RPS6KA2: variants seen among roughly 807,000 people sequenced by gnomAD.
The protein encoded by RPS6KA2 is ribosomal protein S6 kinase A2, also known as ribosomal protein S6 kinase alpha-2.
RPS6KA2 carries 42 observed loss-of-function variants against 91.8 expected under a neutral mutation model. The observed-to-expected ratio is 0.46, with a 90% CI of 0.36 to 0.59. RPS6KA2 has a LOEUF of 0.59. Among genes scored for constraint, RPS6KA2 ranks in the 20% least tolerant of loss-of-function variants. RPS6KA2 has a pLI of 0.00. For synonymous variants in RPS6KA2, 414 were observed against 393.6 expected (o/e 1.05, Z -0.61); for missense variants, 798 against 978.5 (o/e 0.82, Z 2.46).
chr6:166,424,906 C>G (rs1427056757), intron 16 of RPS6KA2, among the ~76,000 whole-genome samples: 2 of 152,210 alleles, frequency 1.3e-5, no homozygotes, highest in Non-Finnish European at 2.9e-5. Flanking sequence ...GTAGCAGAGT[C>G]AGCCACCCCA....
chr6:166,569,187 G>A (rs1784601152), intron 1 of RPS6KA2, among the ~76,000 whole-genome samples: 1 of 152,178 alleles, frequency 6.6e-6, no homozygotes. Flanking sequence ...CCAAGGACTG[G>A]CACAATCTTC....
At position 166,495,072 on chromosome 6, in the gene RPS6KA2, A is replaced by G. The variant is rs1781739886; in HGVS notation, c.747+3436T>C. ...GACCTTTGCCTGTGTGCAGCCAGTCACCACGTGGGCGGGCGGCACTAAATG... is the reference window on the plus strand; with the variant it reads ...GACCTTTGCCTGTGTGCAGCCAGTCGCCACGTGGGCGGGCGGCACTAAATG... On this transcript the variant is annotated intron_variant, in intron 8 of 20. Transcript: ENST00000265678. The surrounding 1 kb of genome is among the most constrained non-coding windows in gnomAD (Gnocchi z 4.4). Among the ~76,000 whole-genome samples the G allele has an allele frequency of 6.6e-6, 1 of 152,200 alleles. No individual in the cohort carries two copies. Among genetic ancestry groups the G allele is most frequent in the South Asian group, 2.1e-4 (1 of 4,830 alleles).
chr6:166,444,356 T>C (rs951085924), intron 14 of RPS6KA2, among the ~76,000 whole-genome samples: 9 of 152,198 alleles, frequency 5.9e-5, no homozygotes, highest in African/African-American at 2.2e-4. Flanking sequence ...TGAAGCCCTA[T>C]ACAACTTCAT....
rs1300980388 is a variant in RPS6KA2 at position 166,423,130 on chromosome 6, A to G, written c.1743+126T>C. 2.1e-6 allele frequency: 2 copies of G among 934,420 alleles called. No homozygotes were observed. The highest frequency in any genetic ancestry group is 2.7e-5 in the Admixed American group (1 of 37,028). The allele number at this position is 934,420 out of a possible 1,614,324, so 57.9% of individuals were successfully genotyped here. ...TGAAGGTTCTCGTTTCTGTTTCCCA[A>G]CACCACTGCTGACGCAGCTCAAGCC... is the stretch of plus-strand genomic sequence containing the variant. On this transcript the variant is annotated intron_variant, in intron 17 of 20. Transcript: ENST00000265678. This position sits in a 1 kb window ranked among gnomAD's most constrained non-coding sequence, Gnocchi z 4.8.
chr6:166,829,623 T>A (rs1405860422), intron 2 of RPS6KA2, among the ~76,000 whole-genome samples: 13 of 147,434 alleles, frequency 8.8e-5, no homozygotes, highest in African/African-American at 3.0e-4. Flanking sequence ...AAAAAATTAT[T>A]ATATGGTCCA....
intron 1 of RPS6KA2, among the ~76,000 whole-genome samples, chr6:166,550,448 A>G (rs1475040397): frequency 6.6e-6 from 1 of 152,220 alleles, no homozygotes; most frequent in Non-Finnish European, 1.5e-5. Flanking sequence ...ATTGGTAAAA[A>G]AAAAGAAGGA....
In RPS6KA2 at chr6:166,648,920, C is replaced by T. The variant is rs567916891; in HGVS notation, c.124-110136G>A. On this transcript the variant is annotated intron_variant, in intron 2 of 21. Transcript: ENST00000503859. The surrounding 1 kb of genome is among the most constrained non-coding windows in gnomAD (Gnocchi z 4.8). ...TCTACCTTGCAGCGTCTCACCAATTCACCTGTCTCTCTAAGGCCACTGGCA... is the reference window on the plus strand; with the variant it reads ...TCTACCTTGCAGCGTCTCACCAATTTACCTGTCTCTCTAAGGCCACTGGCA... Among the ~76,000 whole-genome samples, 1 of 152,318 alleles carries T rather than the reference C, an allele frequency of 6.6e-6. No individual in the cohort carries two copies. Among genetic ancestry groups the T allele is most frequent in the South Asian group, 2.1e-4 (1 of 4,830 alleles).
rs1261203866 is a variant in RPS6KA2, at chr6:166,737,340, G to A, written c.123+120860C>T. 2.0e-5 allele frequency among the ~76,000 whole-genome samples: 3 copies of A among 152,224 alleles called. No homozygotes were observed. Among genetic ancestry groups the A allele is most frequent in the East Asian group, 1.9e-4 (1 of 5,196 alleles). On this transcript the variant is annotated intron_variant, in intron 2 of 21. Coordinates refer to the RPS6KA2 transcript ENST00000503859. The surrounding 1 kb of genome is among the most constrained non-coding windows in gnomAD (Gnocchi z 4.3). Reference sequence around the variant, plus strand: ...CCCTTCACCCCAGCGGCAGCCTGGTGTGATAATTGGTAGGTAACCAGTTTG... The same window carrying A: ...CCCTTCACCCCAGCGGCAGCCTGGTATGATAATTGGTAGGTAACCAGTTTG...
At chr6:166,833,798 G>C (rs9295374) in intron 2 of RPS6KA2, among the ~76,000 whole-genome samples, 103,463 of 152,118 alleles carry the variant, frequency 0.68, 35,288 homozygotes, top group Middle Eastern at 0.75. Flanking sequence ...AGCTTTTTGT[G>C]ATTATGAGTA....
intron 2 of RPS6KA2, among the ~76,000 whole-genome samples, chr6:166,684,158 A>C (rs1439917093): frequency 1.3e-5 from 2 of 152,154 alleles, no homozygotes; most frequent in African/African-American, 2.4e-5. Flanking sequence ...GGGTTCAGAT[A>C]CTGGACCAAA....
intron 2 of RPS6KA2, among the ~76,000 whole-genome samples, chr6:166,789,643 CG>C (rs1779031026): frequency 6.6e-6 from 1 of 152,186 alleles, no homozygotes; most frequent in South Asian, 2.1e-4. Context: ...CTCACACGGC[CG>C]GGTACTCCTC....
In RPS6KA2 at chr6:166,550,749, T is replaced by C. The variant is rs548998305; in HGVS notation, c.100-11965A>G. On this transcript the variant is annotated intron_variant, in intron 1 of 20. Coordinates refer to ENST00000265678, the MANE Select transcript of RPS6KA2 (RefSeq NM_021135.6). ...TGGGCGCGATGGCTCACGCCTGTAA[T>C]CCCAGCACTTTGGGAGGCCAAGGCG... 2.4e-4 allele frequency among the ~76,000 whole-genome samples: 37 copies of C among 152,230 alleles called. 1 individual carries two copies. The East Asian group carries it at 6.8e-3, about 28-fold the overall frequency.
intron 2 of RPS6KA2, among the ~76,000 whole-genome samples, chr6:166,823,436 T>TGTGG (rs1478645360): frequency 5.7e-4 from 3 of 5,236 alleles, no homozygotes; most frequent in African/African-American, 1.3e-3. Flanking sequence ...GGTTTTGCAG[T>TGTGG]GTGTGTGTGT....
At chr6:166,504,640 C>G (rs192353643) in intron 5 of RPS6KA2, 28 bp from the exon 6 acceptor site, 1 of 1,481,320 alleles carries the variant, frequency 6.8e-7, no homozygotes, top group Admixed American at 1.9e-5. Flanking sequence ...AAAACAAAAA[C>G]AAAAAACGTT....
chr6:166,506,097 C>T (rs1160527655), intron 5 of RPS6KA2, among the ~76,000 whole-genome samples: 1 of 151,958 alleles, frequency 6.6e-6, no homozygotes, highest in Non-Finnish European at 1.5e-5. Flanking sequence ...CCCGTACTTG[C>T]TAAATGACGA....
chr6:166,441,619 A>G (rs1779519528), intron 14 of RPS6KA2, among the ~76,000 whole-genome samples: 1 of 152,190 alleles, frequency 6.6e-6, no homozygotes, highest in South Asian at 2.1e-4. Flanking sequence ...GAACTTGAAC[A>G]CAAGCTCCCC....
intron 3 of RPS6KA2, among the ~76,000 whole-genome samples, chr6:166,524,933 C>A (rs1782974357): frequency 6.6e-6 from 1 of 152,204 alleles, no homozygotes; most frequent in East Asian, 1.9e-4. Context: ...CCTAGAGACA[C>A]CGGCGGAGGT....
At chr6:166,681,378 C>A (rs534964218) in intron 2 of RPS6KA2, among the ~76,000 whole-genome samples, 7 of 152,086 alleles carry the variant, frequency 4.6e-5, no homozygotes, top group African/African-American at 7.2e-5. Context: ...AATTATAAAC[C>A]AACTCATTGC....
chr6:166,430,468 G>A lies in RPS6KA2; in HGVS notation c.1566C>T (p.Tyr522=), dbSNP rs773341655. 1.9e-6 allele frequency: 3 copies of A among 1,612,764 alleles called. No individual in the cohort carries two copies. Among genetic ancestry groups the A allele is most frequent in the African/African-American group, 1.3e-5 (1 of 74,860 alleles). ...TGGCTCCTACCCCCTGGGAATGGAG[G>A]TAGTCCATGGTCTTGGTGATGGTGC... ...VLCTITKTMD[Y]LHSQGVVHRD... Residue 522 remains tyrosine (Y), a synonymous_variant, in exon 16 of 21, where the codon TAC becomes TAT. Transcript: ENST00000265678.
Sources: gnomAD v4.1 joint callset for allele counts (sites outside exome capture counted in the v4.1 genomes callset) on GRCh38, gnomAD v4.1.1 for gene constraint, Gnocchi (gnomAD v3.1) non-coding constraint, MANE v1.5 for transcripts, NCBI Gene and HGNC (gene_info 2026-07-23, HGNC 2026-07-21) for gene names.